MBD5: variants seen among roughly 807,000 people sequenced by gnomAD.
MBD5 encodes the protein methyl-CpG binding domain protein 5, also known as methyl-CpG-binding domain protein 5.
Under a neutral mutation model 117.3 loss-of-function variants are expected in MBD5, and 13 were observed. The observed-to-expected ratio is 0.11, with a 90% CI of 0.07 to 0.18. The LOEUF (loss-of-function observed/expected upper bound fraction) is 0.18. Ranked by LOEUF, MBD5 falls within the 10% of genes least tolerant of loss-of-function variation. The pLI, the probability that MBD5 is intolerant of heterozygous loss-of-function variation, is 1.00. For synonymous variants in MBD5, 727 were observed against 766.4 expected (o/e 0.95, Z 0.85); for missense variants, 1,879 against 2,093.8 (o/e 0.90, Z 2.00).
chr2:148,410,690 C>T (rs1377181732), intron 4 of MBD5, among the ~76,000 whole-genome samples: 1 of 152,136 alleles, frequency 6.6e-6, no homozygotes, highest in Non-Finnish European at 1.5e-5. Context: ...CCTCGTCCTC[C>T]GACAGTGCTG....
intron 1 of MBD5, among the ~76,000 whole-genome samples, chr2:148,060,868 C>T (rs10497026): frequency 0.31 from 47,406 of 151,928 alleles, 8,427 homozygotes; most frequent in East Asian, 0.46. Flanking sequence ...ATTTCACTAT[C>T]TGTTCATTGG....
At chr2:148,140,221 T>C (rs1043037267) in intron 1 of MBD5, among the ~76,000 whole-genome samples, 6 of 152,172 alleles carry the variant, frequency 3.9e-5, no homozygotes, top group Admixed American at 3.3e-4. Flanking sequence ...ATGAAAAGCA[T>C]CTTGTTTTTT....
intron 4 of MBD5, among the ~76,000 whole-genome samples, chr2:148,413,335 C>A (rs528242082): frequency 9.9e-4 from 151 of 152,100 alleles, no homozygotes; most frequent in African/African-American, 3.1e-3. Flanking sequence ...GGTGGATTAG[C>A]TTTTTGTTGT....
chr2:148,294,669 A>AT (rs903917719), intron 3 of MBD5, among the ~76,000 whole-genome samples: 15 of 150,498 alleles, frequency 1.0e-4, no homozygotes, highest in South Asian at 2.1e-4. Flanking sequence ...TGCCCAGATG[A>AT]TTTTTTTTGT....
Position 148,399,219 on chromosome 2 carries a change from G to A in MBD5, c.-557+56883G>A, listed in dbSNP as rs193263211. ...TCATTGGTAGCTTGATGGGGATGGC[G>A]TTGAATCTATAAATTACCTTGGGCA... On this transcript the variant is annotated intron_variant, in intron 4 of 13. Transcript: ENST00000642680. 4.3e-3 allele frequency among the ~76,000 whole-genome samples: 650 copies of A among 152,144 alleles called. 5 individuals carry two copies. The highest frequency in any genetic ancestry group is 0.013 in the African/African-American group (519 of 41,520).
chr2:148,400,151 A>G (rs924469839), intron 4 of MBD5, among the ~76,000 whole-genome samples: 1 of 152,046 alleles, frequency 6.6e-6, no homozygotes, highest in Non-Finnish European at 1.5e-5. Flanking sequence ...ATTTTGTTTT[A>G]TTTATAAACA....
At chr2:148,263,218 A>C (rs1700773437) in intron 3 of MBD5, among the ~76,000 whole-genome samples, 6 of 152,304 alleles carry the variant, frequency 3.9e-5, no homozygotes, top group Admixed American at 3.9e-4. Flanking sequence ...CTCAGGAGAA[A>C]TATCTGGGCT....
intron 4 of MBD5, among the ~76,000 whole-genome samples, chr2:148,353,991 G>T (rs576295306): frequency 1.3e-5 from 2 of 152,170 alleles, no homozygotes; most frequent in South Asian, 2.1e-4. Flanking sequence ...ATCAGATGAG[G>T]ATATTAGTAC....
intron 4 of MBD5, among the ~76,000 whole-genome samples, chr2:148,376,257 T>C (rs1419818215): frequency 7.2e-6 from 1 of 137,940 alleles, no homozygotes; most frequent in Non-Finnish European, 1.5e-5. Context: ...ATATTTCTTT[T>C]TTTTCTTTTC....
At chr2:148,117,819 T>G (rs541706553) in intron 1 of MBD5, among the ~76,000 whole-genome samples, 3 of 152,356 alleles carry the variant, frequency 2.0e-5, no homozygotes, top group Non-Finnish European at 4.4e-5. Context: ...TATCCCCATT[T>G]TGCAAATGTA....
intron 2 of MBD5, among the ~76,000 whole-genome samples, chr2:148,205,986 C>CA (rs1238892944): frequency 6.6e-6 from 1 of 151,764 alleles, no homozygotes; most frequent in Non-Finnish European, 1.5e-5. Flanking sequence ...ACAAAAAATA[C>CA]AAAAATTAGC....
intron 1 of MBD5, among the ~76,000 whole-genome samples, chr2:148,023,670 G>GT (rs1270853865): frequency 6.6e-6 from 1 of 152,100 alleles, no homozygotes; most frequent in Non-Finnish European, 1.5e-5. Flanking sequence ...TTAATTTTAG[G>GT]TAAGGGAATT....
intron 3 of MBD5, among the ~76,000 whole-genome samples, chr2:148,244,713 A>G (rs559245183): frequency 6.6e-6 from 1 of 152,216 alleles, no homozygotes; most frequent in South Asian, 2.1e-4. Flanking sequence ...TCTGCCCTCA[A>G]AAAGTTTACC....
chr2:148,164,313 T>A (rs950344968), intron 1 of MBD5, among the ~76,000 whole-genome samples: 9 of 152,046 alleles, frequency 5.9e-5, no homozygotes, highest in African/African-American at 1.9e-4. Flanking sequence ...CATTCTGGCA[T>A]TATAGTGGAT....
chr2:148,132,434 A>G (rs867575192), intron 1 of MBD5, among the ~76,000 whole-genome samples: 2 of 151,222 alleles, frequency 1.3e-5, no homozygotes, highest in Non-Finnish European at 2.9e-5. Context: ...CAGGCTTTCA[A>G]TAGGAATGAA....
intron 3 of MBD5, chr2:148,244,498 A>C (rs998780143): frequency 2.6e-5 from 4 of 152,152 alleles, no homozygotes; most frequent in African/African-American, 4.8e-5. Context: ...AATTAAGGAA[A>C]TATGTCATGA....
chr2:148,497,854 C>T (rs1186958041), intron 11 of MBD5, among the ~76,000 whole-genome samples: 1 of 151,220 alleles, frequency 6.6e-6, no homozygotes, highest in Non-Finnish European at 1.5e-5. Flanking sequence ...AATAATTTTA[C>T]ATACCACCAG....
rs1698564455 is a variant in MBD5 at position 148,182,984 on chromosome 2, A to ATAC, written c.-831+4192_-831+4194dup. Among the ~76,000 whole-genome samples the ATAC allele has an allele frequency of 2.0e-5, 3 of 152,310 alleles. No individual in the cohort carries two copies. In the South Asian group the frequency reaches 6.2e-4, roughly 32 times the overall value. On this transcript the variant is annotated intron_variant, in intron 2 of 13. Transcript: ENST00000642680. Reference sequence around the variant, plus strand: ...GCTTCAGTTAAACTCCCTCTGCCACATACCTAAATTAATCCTGCACTACGA... The same window carrying ATAC: ...GCTTCAGTTAAACTCCCTCTGCCACATACTACCTAAATTAATCCTGCACTACGA...
At chr2:148,040,595 A>G (rs1372822301) in intron 1 of MBD5, among the ~76,000 whole-genome samples, 2 of 152,220 alleles carry the variant, frequency 1.3e-5, no homozygotes. Flanking sequence ...TAGCTTTTTA[A>G]AAAATATAGC....
Sources: gnomAD v4.1 joint callset for allele counts (sites outside exome capture counted in the v4.1 genomes callset) on GRCh38, gnomAD v4.1.1 for gene constraint, MANE v1.5 for transcripts, NCBI Gene and HGNC (gene_info 2026-07-23, HGNC 2026-07-21) for gene names.